Variants in CDKN2A observed in about 807,000 individuals in gnomAD.
CDKN2A encodes cyclin-dependent kinase inhibitor 2A.
Under a neutral mutation model 11.1 loss-of-function variants are expected in CDKN2A, and 3 were observed. The observed-to-expected ratio is 0.27, with a 90% CI of 0.12 to 0.70. The LOEUF is 0.70. Among genes scored for constraint, CDKN2A ranks in the 30% least tolerant of loss-of-function variants. The pLI is 0.77. For synonymous variants in CDKN2A, 122 were observed against 108.1 expected (o/e 1.13, Z -0.80); for missense variants, 265 against 233.6 (o/e 1.13, Z -0.88).
intron 2 of CDKN2A, among the ~76,000 whole-genome samples, chr9:21,981,896 C>T (rs895769927): frequency 6.6e-6 from 1 of 152,040 alleles, no homozygotes; most frequent in African/African-American, 2.4e-5. Context: ...AAAGGGAGAC[C>T]TCTGAGAAAG....
chr9:21,974,117 C>T lies in CDKN2A; in HGVS notation c.150+561G>A, dbSNP rs1377447179. ...GTTGGCCAGGCTGGTCTCGAACTCC[C>T]GACCTCAGGTGATTCCCCCCGCCTT... On this transcript the variant is annotated intron_variant, in intron 1 of 2. Transcript: ENST00000304494. The surrounding 1 kb of genome is among the most constrained non-coding windows in gnomAD (Gnocchi z 5.2). Among the ~76,000 whole-genome samples the T allele has an allele frequency of 3.3e-5, 5 of 152,140 alleles. No homozygotes were observed. Among genetic ancestry groups the T allele is most frequent in the Non-Finnish European group, 7.4e-5 (5 of 68,026 alleles).
At chr9:21,990,649 A>AGAGAGAGG (rs1396090431) in intron 2 of CDKN2A, among the ~76,000 whole-genome samples, 1 of 150,232 alleles carries the variant, frequency 6.7e-6, no homozygotes. Context: ...AGAGAGAGAG[A>AGAGAGAGG]GAAACTGTTT....
rs1175540721 is a variant in CDKN2A at position 21,981,005 on chromosome 9, T to C, written c.-3-9797A>G. ...ATATATACACGTATATATATATACG[T>C]GTATATATATATATACGTGTATATA... On this transcript the variant is annotated intron_variant, in intron 2 of 3. Coordinates refer to the CDKN2A transcript ENST00000494262. Among the ~76,000 whole-genome samples, 3 of 9,070 alleles carry C rather than the reference T, an allele frequency of 3.3e-4. 1 individual carries two copies. Among genetic ancestry groups the C allele is most frequent in the African/African-American group, 4.4e-4 (1 of 2,256 alleles). 6.0% of individuals were successfully genotyped at this position (9,070 alleles called of 152,430 possible). A position where few individuals can be genotyped will look rare whatever the true frequency, so the allele number is the denominator to read the frequency against.
At chr9:21,992,987 T>C (rs995503116) in intron 2 of CDKN2A, among the ~76,000 whole-genome samples, 8 of 152,190 alleles carry the variant, frequency 5.3e-5, no homozygotes, top group Admixed American at 3.9e-4. Context: ...AAAATGTGCA[T>C]TTATCCTATA....
upstream of CDKN2A, among the ~76,000 whole-genome samples, chr9:21,976,765 C>A (rs563741623): frequency 5.3e-5 from 8 of 152,202 alleles, no homozygotes; most frequent in Non-Finnish European, 1.0e-4. Context: ...GAAGAACTTA[C>A]TCCCTGAAAA....
rs137854597 is a variant in CDKN2A, at chr9:21,971,094, C to T, written c.265G>A (p.Gly89Ser). ...AGCACCACCAGCGTGTCCAGGAAGC[C>T]CTCCCGGGCAGCGTCGTGCACGGGT... ...TRPVHDAARE[G>S]FLDTLVVLHR... Residue 89 changes from glycine to serine, a missense_variant, in exon 2 of 3, where the codon GGC (glycine) becomes AGC (serine). Transcript: ENST00000304494. The T allele has an allele frequency of 2.5e-6, 4 of 1,605,092 alleles. No individual in the cohort carries two copies. The South Asian group carries it at 4.4e-5, about 18-fold the overall frequency.
chr9:21,990,641 A>AGAGAGAGAGAGAGAGAGAGAGG (rs1563900416), intron 2 of CDKN2A, among the ~76,000 whole-genome samples: 1 of 151,038 alleles, frequency 6.6e-6, no homozygotes, highest in Non-Finnish European at 1.5e-5. Flanking sequence ...AGAGAGAGAG[A>AGAGAGAGAGAGAGAGAGAGAGG]GAGAGAGAGA....
chr9:21,968,447 TC>T lies in CDKN2A; in HGVS notation c.458-206del. ...GCTAGTCCACTGCCCGCCTGGCTGC[TC>T]CAGGCGCGCCGACCGCTCAAGCGCT... On this transcript the variant is annotated intron_variant, in intron 2 of 2. Transcript: ENST00000304494. The surrounding 1 kb of genome is among the most constrained non-coding windows in gnomAD (Gnocchi z 4.7). The T allele has an allele frequency of 6.7e-7, 1 of 1,490,188 alleles. No homozygotes were observed. The allele number at this position is 1,490,188 out of a possible 1,614,324, so 92.3% of individuals were successfully genotyped here. A position where few individuals can be genotyped will look rare whatever the true frequency, so the allele number is the denominator to read the frequency against.
rs1819483525 is a variant in CDKN2A, at chr9:21,967,772, ATT to A, written c.*455_*456del. 3.4e-6 allele frequency: 1 copy of A among 291,358 alleles called. No homozygotes were observed. Among genetic ancestry groups the A allele is most frequent in the African/African-American group, 2.1e-5 (1 of 46,766 alleles). The allele number at this position is 291,358 out of a possible 1,614,324, so 18.0% of individuals were successfully genotyped here. A position where few individuals can be genotyped will look rare whatever the true frequency, so the allele number is the denominator to read the frequency against. ...ATAAATGAGTGAATGAATGAAAATT[ATT>A]TTATTTTTATTTGAGCTTTGGTTCT... On this transcript the variant is annotated 3_prime_UTR_variant, in exon 3 of 3. Coordinates refer to ENST00000304494, the MANE Select transcript of CDKN2A (RefSeq NM_000077.5).
chr9:21,984,855 A>G (rs1213597333), intron 2 of CDKN2A, among the ~76,000 whole-genome samples: 1 of 151,926 alleles, frequency 6.6e-6, no homozygotes, highest in African/African-American at 2.4e-5. Context: ...TCTTACTGTT[A>G]TGTTCAATTT....
At chr9:21,984,493 C>T (rs1365437215) in intron 2 of CDKN2A, among the ~76,000 whole-genome samples, 1 of 151,922 alleles carries the variant, frequency 6.6e-6, no homozygotes. Flanking sequence ...CTTTTTCATT[C>T]TTGATAGGAC....
intron 2 of CDKN2A, among the ~76,000 whole-genome samples, chr9:21,990,611 T>TGA (rs60431211): frequency 0.067 from 6,036 of 89,668 alleles, 369 homozygotes; most frequent in African/African-American, 0.084. Context: ...ACTAATTTGG[T>TGA]GAGAGAGAGA....
chr9:21,974,321 T>A lies in CDKN2A; in HGVS notation c.150+357A>T, dbSNP rs564137656. On this transcript the variant is annotated intron_variant, in intron 1 of 2. Coordinates refer to ENST00000304494, the MANE Select transcript of CDKN2A (RefSeq NM_000077.5). The surrounding 1 kb of genome is among the most constrained non-coding windows in gnomAD (Gnocchi z 5.2). ...AGGTATCTGTGAATTGGAGGCTAAG[T>A]AGTCCCAGCACATCTTACATTTCTT... The A allele has an allele frequency of 2.6e-6, 3 of 1,149,300 alleles. No homozygotes were observed. Among genetic ancestry groups the A allele is most frequent in the Non-Finnish European group, 3.5e-6 (3 of 852,798 alleles). 71.2% of individuals were successfully genotyped at this position (1,149,300 alleles called of 1,614,324 possible).
At chr9:21,980,235 T>C (rs1820140027) in intron 2 of CDKN2A, among the ~76,000 whole-genome samples, 1 of 152,214 alleles carries the variant, frequency 6.6e-6, no homozygotes, top group South Asian at 2.1e-4. Flanking sequence ...ACGCTTGAGG[T>C]GAGATAATAC....
intron 2 of CDKN2A, among the ~76,000 whole-genome samples, chr9:21,983,268 G>C (rs1007530249): frequency 3.3e-5 from 5 of 152,006 alleles, no homozygotes; most frequent in African/African-American, 1.2e-4. Flanking sequence ...TAAGGAATTA[G>C]CTGCACATAG....
At position 21,970,976 on chromosome 9, in the gene CDKN2A, C is replaced by T. The variant is rs971657556; in HGVS notation, c.383G>A (p.Arg128Gln). The T allele has an allele frequency of 1.2e-5, 19 of 1,610,916 alleles. No homozygotes were observed. The highest frequency in any genetic ancestry group is 1.8e-4 in the Middle Eastern group (1 of 5,530). Reference protein sequence around the residue: ...AEELGHRDVARYLRAAAGGTR... With the variant: ...AEELGHRDVAQYLRAAAGGTR... ...GCCCCCCGCAGCCGCGCGCAGGTAC[C>T]GTGCGACATCGCGATGGCCCAGCTC... Residue 128 changes from arginine to glutamine, a missense_variant, in exon 2 of 3, where the codon CGG becomes CAG. Arg to Gln is a conservative substitution (Grantham distance 43). Coordinates refer to ENST00000304494, the MANE Select transcript of CDKN2A (RefSeq NM_000077.5).
In CDKN2A at chr9:21,974,724, C is replaced by A. The variant is rs746834149; in HGVS notation, c.104G>T (p.Gly35Val). The A allele has an allele frequency of 6.2e-7, 1 of 1,613,104 alleles. No individual in the cohort carries two copies. Among genetic ancestry groups the A allele is most frequent in the Admixed American group, 1.7e-5 (1 of 60,022 alleles). The change falls in exon 1 of 3, where the codon GGG (glycine) becomes GTG (valine). Residue 35 changes from glycine (G) to valine (V), a missense_variant. Transcript: ENST00000304494. This position sits in a 1 kb window ranked among gnomAD's most constrained non-coding sequence, Gnocchi z 5.2. ...ACTATTCGGTGCGTTGGGCAGCGCC[C>A]CCGCCTCCAGCAGCGCCCGCACCTC... ...VEEVRALLEA[G>V]ALPNAPNSYG...
intron 1 of CDKN2A, chr9:21,994,454 T>A (rs1317351799): frequency 6.6e-7 from 1 of 1,514,372 alleles, no homozygotes; most frequent in East Asian, 2.3e-5. Flanking sequence ...CCCCTGCCCA[T>A]CTCCGCCCCG....
rs1199409806 is a variant in CDKN2A, at chr9:21,974,643, C to T, written c.150+35G>A. 3 of 1,614,114 alleles carry T rather than the reference C, an allele frequency of 1.9e-6. No homozygotes were observed. The highest frequency in any genetic ancestry group is 2.5e-6 in the Non-Finnish European group (3 of 1,180,048). On this transcript the variant is annotated intron_variant, in intron 1 of 2. Coordinates refer to ENST00000304494, the MANE Select transcript of CDKN2A (RefSeq NM_000077.5). This position sits in a 1 kb window ranked among gnomAD's most constrained non-coding sequence, Gnocchi z 5.2. ...AAACTTCGTCCTCCAGAGTCGCCCGCCATCCCCTGCTCCCGCTGCAGACCC... is the reference window on the plus strand; with the variant it reads ...AAACTTCGTCCTCCAGAGTCGCCCGTCATCCCCTGCTCCCGCTGCAGACCC...
Sources: gnomAD v4.1 joint callset for allele counts (sites outside exome capture counted in the v4.1 genomes callset) on GRCh38, gnomAD v4.1.1 for gene constraint, Gnocchi (gnomAD v3.1) non-coding constraint, MANE v1.5 for transcripts, NCBI Gene and HGNC (gene_info 2026-07-23, HGNC 2026-07-21) for gene names.